The following ROBO1 variants were observed in gnomAD, a reference collection of about 807,000 sequenced individuals.
The protein encoded by ROBO1 is roundabout homolog 1.
ROBO1 carries 149 observed loss-of-function variants against 195.9 expected under a neutral mutation model. That is an observed-to-expected ratio of 0.76 (90% CI 0.67 to 0.87). The LOEUF is 0.87. Ranked by LOEUF, ROBO1 falls within the 40% of genes least tolerant of loss-of-function variation. The probability of loss-of-function intolerance (pLI) is 0.00; values close to 1 mark genes in which losing one functional copy is unlikely to be tolerated. For synonymous variants in ROBO1, 816 were observed against 733.2 expected (o/e 1.11, Z -1.82); for missense variants, 1,933 against 2,068.3 (o/e 0.93, Z 1.27).
At chr3:79,635,835 C>T (rs1945480108) in intron 1 of ROBO1, among the ~76,000 whole-genome samples, 1 of 151,986 alleles carries the variant, frequency 6.6e-6, no homozygotes, top group African/African-American at 2.4e-5. Flanking sequence ...AACTGTTATC[C>T]CTTCTAAGCC....
intron 2 of ROBO1, among the ~76,000 whole-genome samples, chr3:79,353,898 A>T (rs2109276286): frequency 6.6e-6 from 1 of 152,186 alleles, no homozygotes. Context: ...TACAAAAATT[A>T]GCCAGGCATA....
At chr3:78,745,258 A>G (rs2108275153) in intron 5 of ROBO1, among the ~76,000 whole-genome samples, 1 of 149,868 alleles carries the variant, frequency 6.7e-6, no homozygotes, top group African/African-American at 2.5e-5. Context: ...CAGTGAGCCG[A>G]GATCGTGCCA....
chr3:79,366,172 G>A (rs2035970146), intron 2 of ROBO1, among the ~76,000 whole-genome samples: 1 of 152,052 alleles, frequency 6.6e-6, no homozygotes, highest in Non-Finnish European at 1.5e-5. Flanking sequence ...TGTACAATGG[G>A]AATAATAATA....
chr3:79,186,267 T>C (rs1428587567), intron 2 of ROBO1, among the ~76,000 whole-genome samples: 3 of 147,762 alleles, frequency 2.0e-5, no homozygotes, highest in Non-Finnish European at 2.9e-5. Flanking sequence ...CTTTAATCAA[T>C]GAATCCGGTT....
chr3:79,748,864 T>G, intron 1 of ROBO1, among the ~76,000 whole-genome samples: 1 of 152,268 alleles, frequency 6.6e-6, no homozygotes, highest in Non-Finnish European at 1.5e-5. Flanking sequence ...TTAAAATCTC[T>G]TTTTCTTCCC....
intron 2 of ROBO1, among the ~76,000 whole-genome samples, chr3:79,491,151 C>T (rs1419276454): frequency 6.6e-6 from 1 of 151,732 alleles, no homozygotes; most frequent in Non-Finnish European, 1.5e-5. Flanking sequence ...GCTAATCTAC[C>T]TGGTCCTAGA....
chr3:79,653,214 T>A (rs1334851838), intron 1 of ROBO1, among the ~76,000 whole-genome samples: 2 of 151,902 alleles, frequency 1.3e-5, no homozygotes, highest in Non-Finnish European at 2.9e-5. Flanking sequence ...TTAATTATAT[T>A]TCATTATAAT....
At chr3:78,842,014 C>T (rs1208766348) in intron 4 of ROBO1, among the ~76,000 whole-genome samples, 1 of 151,570 alleles carries the variant, frequency 6.6e-6, no homozygotes, top group Admixed American at 6.6e-5. Context: ...CTTCAGTTTG[C>T]TCTCCTTTGA....
chr3:79,104,081 T>C (rs1277224143), intron 3 of ROBO1, among the ~76,000 whole-genome samples: 1 of 151,708 alleles, frequency 6.6e-6, no homozygotes, highest in African/African-American at 2.4e-5. Flanking sequence ...CAGTGTTTTA[T>C]CTCCGACCTA....
intron 2 of ROBO1, among the ~76,000 whole-genome samples, chr3:79,225,357 C>A (rs2108837362): frequency 6.6e-6 from 1 of 152,092 alleles, no homozygotes; most frequent in East Asian, 1.9e-4. Context: ...TGGAAAATAC[C>A]AAGATTGTCT....
At chr3:79,703,034 G>A (rs1947663735) in intron 1 of ROBO1, among the ~76,000 whole-genome samples, 1 of 151,780 alleles carries the variant, frequency 6.6e-6, no homozygotes, top group Admixed American at 6.6e-5. Context: ...TGTGATTTTA[G>A]GAACCTTAGC....
At chr3:79,250,886 C>T (rs1280380820) in intron 2 of ROBO1, among the ~76,000 whole-genome samples, 1 of 152,034 alleles carries the variant, frequency 6.6e-6, no homozygotes, top group Non-Finnish European at 1.5e-5. Context: ...GAAACCACGC[C>T]TCTACTAAAA....
intron 4 of ROBO1, among the ~76,000 whole-genome samples, chr3:78,791,575 T>TA (rs1288922447): frequency 6.6e-6 from 1 of 152,166 alleles, no homozygotes; most frequent in Non-Finnish European, 1.5e-5. Context: ...ATTCTGGTAT[T>TA]ACATTATTTC....
chr3:79,233,025 A>C (rs866231769), intron 2 of ROBO1, among the ~76,000 whole-genome samples: 1 of 152,122 alleles, frequency 6.6e-6, no homozygotes, highest in African/African-American at 2.4e-5. Context: ...GAAACTTTCT[A>C]TGACTTTGTT....
rs868333735 is a variant in ROBO1, at chr3:78,662,256, A to G, written c.1967-142T>C. ...AGGCTGTGATTCGGAAAAAAAAAAA[A>G]AAAGGAATAATTTAACCTTTTTATT... On this transcript the variant is annotated intron_variant, in intron 14 of 30. Coordinates refer to ENST00000464233, the MANE Select transcript of ROBO1 (RefSeq NM_002941.4). 113 of 769,140 alleles carry G rather than the reference A, an allele frequency of 1.5e-4. No homozygotes were observed. In the Middle Eastern group the frequency reaches 2.3e-3, roughly 15 times the overall value. 47.6% of individuals were successfully genotyped at this position (769,140 alleles called of 1,614,324 possible). A position where few individuals can be genotyped will look rare whatever the true frequency, so the allele number is the denominator to read the frequency against.
intron 2 of ROBO1, among the ~76,000 whole-genome samples, chr3:79,561,254 A>T (rs997118892): frequency 6.6e-6 from 1 of 152,198 alleles, no homozygotes; most frequent in African/African-American, 2.4e-5. Flanking sequence ...CACTTTGAGC[A>T]TATAGAGAGA....
rs1007108406 is a variant in ROBO1 at position 79,078,598 on chromosome 3, A to G, written c.172+46858T>C. 3.6e-4 allele frequency among the ~76,000 whole-genome samples: 54 copies of G among 151,880 alleles called. 1 individual carries two copies. The highest frequency in any genetic ancestry group is 1.3e-3 in the African/African-American group (53 of 41,434). On this transcript the variant is annotated intron_variant, in intron 3 of 30. Coordinates refer to ENST00000464233, the MANE Select transcript of ROBO1 (RefSeq NM_002941.4). ...GCCATAATAGTTCTTGTAGTCAACA[A>G]TTAAACAATCATTAGAAAACATGGA...
At chr3:78,904,071 ATATGAG>A (rs2037747661) in intron 4 of ROBO1, among the ~76,000 whole-genome samples, 4 of 152,004 alleles carry the variant, frequency 2.6e-5, no homozygotes, top group Non-Finnish European at 4.4e-5. Flanking sequence ...TAAACATTAG[ATATGAG>A]TATATTAGTT....
At chr3:78,875,437 A>T (rs908558656) in intron 4 of ROBO1, among the ~76,000 whole-genome samples, 2 of 152,064 alleles carry the variant, frequency 1.3e-5, no homozygotes, top group African/African-American at 4.8e-5. Flanking sequence ...AAAGTCTGGG[A>T]TCGTGACATT....
Sources: allele counts gnomAD v4.1 joint callset (sites outside exome capture counted in the v4.1 genomes callset), GRCh38; gene constraint gnomAD v4.1.1; transcripts MANE v1.5; gene names NCBI Gene and HGNC (gene_info 2026-07-23, HGNC 2026-07-21).